Variants in PLAA observed in about 807,000 individuals in gnomAD.
PLAA encodes the protein phospholipase A2 activating protein, also known as phospholipase A-2-activating protein.
PLAA carries 48 observed loss-of-function variants against 84.1 expected under a neutral mutation model. The observed-to-expected ratio is 0.57, with a 90% CI of 0.45 to 0.73. The LOEUF is 0.73. Among genes scored for constraint, PLAA ranks in the 30% least tolerant of loss-of-function variants. PLAA has a pLI of 0.00. For synonymous variants in PLAA, 392 were observed against 336.6 expected, an observed-to-expected ratio of 1.16 and a Z score of -1.80; for missense variants, 903 against 954.7, an observed-to-expected ratio of 0.95 and a Z score of 0.71.
chr9:26,914,730 A>T (rs1824496931), intron 10 of PLAA, among the ~76,000 whole-genome samples: 1 of 132,922 alleles, frequency 7.5e-6, no homozygotes, highest in African/African-American at 2.6e-5. Flanking sequence ...ATATTTTAGA[A>T]GCAGAAGGTT....
Position 26,913,949 on chromosome 9 carries a change from T to TACA in PLAA, c.1487-5_1487-3dup. ...AACCTGGTACATAACGACCAGCACC[T>TACA]ACAATACAATAATACTCCTAGTAAG... is the stretch of plus-strand genomic sequence containing the variant. On this transcript the variant is annotated splice_polypyrimidine_tract_variant and splice_region_variant and intron_variant, in intron 10 of 13. Transcript: ENST00000397292. The TACA allele has an allele frequency of 6.2e-7, 1 of 1,603,184 alleles. No individual in the cohort carries two copies. The highest frequency in any genetic ancestry group is 8.5e-7 in the Non-Finnish European group (1 of 1,170,358).
At chr9:26,911,347 T>A (rs540332937) in intron 11 of PLAA, among the ~76,000 whole-genome samples, 1 of 152,262 alleles carries the variant, frequency 6.6e-6, no homozygotes, top group South Asian at 2.1e-4. Context: ...GAGACAGGGT[T>A]TCACCACATT....
chr9:26,918,410 C>T (rs1311313713), intron 9 of PLAA, among the ~76,000 whole-genome samples: 1 of 151,374 alleles, frequency 6.6e-6, no homozygotes, highest in African/African-American at 2.4e-5. Context: ...TTACAGGCGT[C>T]AGCCACCACA....
intron 4 of PLAA, among the ~76,000 whole-genome samples, chr9:26,927,207 G>GCCT (rs1356903912): frequency 1.4e-5 from 2 of 147,568 alleles, no homozygotes; most frequent in African/African-American, 5.1e-5. Context: ...TGCAACCTGT[G>GCCT]CCTCCAGGGT....
chr9:26,924,002 T>C (rs1007501788), intron 6 of PLAA, among the ~76,000 whole-genome samples: 2 of 152,192 alleles, frequency 1.3e-5, no homozygotes, highest in African/African-American at 4.8e-5. Context: ...ACATCACTCG[T>C]TCTATTGGTT....
chr9:26,929,610 T>C (rs1217406729), intron 2 of PLAA, among the ~76,000 whole-genome samples: 1 of 152,242 alleles, frequency 6.6e-6, no homozygotes, highest in Non-Finnish European at 1.5e-5. Context: ...AAAGTCTCTC[T>C]ACCCTGAGCT....
At chr9:26,933,880 C>T (rs371296576) in intron 2 of PLAA, among the ~76,000 whole-genome samples, 1 of 151,920 alleles carries the variant, frequency 6.6e-6, no homozygotes, top group African/African-American at 2.4e-5. Context: ...GTGATCACAG[C>T]TCACTGCAGC....
intron 11 of PLAA, 81 bp downstream of exon 11, chr9:26,913,798 C>A (rs956771517): frequency 2.0e-6 from 2 of 1,006,508 alleles, no homozygotes; most frequent in Non-Finnish European, 1.5e-6. Context: ...GAAAATGACA[C>A]AAATTTTCTT....
chr9:26,926,387 T>C lies in PLAA; in HGVS notation c.733+6A>G, dbSNP rs745554985. 2 of 1,539,994 alleles carry C rather than the reference T, an allele frequency of 1.3e-6. No homozygotes were observed. Among genetic ancestry groups the C allele is most frequent in the East Asian group, 4.5e-5 (2 of 44,418 alleles). On this transcript the variant is annotated splice_donor_region_variant and intron_variant, in intron 5 of 13. Transcript: ENST00000397292. The stretch of plus-strand genomic sequence containing the variant: ...ACATTAAATAAATAGCATAAAATAA[T>C]CTTACCTCTACAATTTGGAAAAACG...
rs1364664201 is a variant in PLAA at position 26,925,749 on chromosome 9, G to C, written c.869+76C>G. The stretch of plus-strand genomic sequence containing the variant: ...CTCAAGTCACGTGAAATTCCTTATG[G>C]CTTATCTCTGTACACTCTAGTTCCT... On this transcript the variant is annotated intron_variant, in intron 6 of 13. Coordinates refer to ENST00000397292, the MANE Select transcript of PLAA (RefSeq NM_001031689.3). The C allele has an allele frequency of 7.6e-6, 10 of 1,315,646 alleles. No individual in the cohort carries two copies. The Admixed American group carries it at 2.0e-4, about 27-fold the overall frequency. 81.5% of individuals were successfully genotyped at this position (1,315,646 alleles called of 1,614,324 possible).
At chr9:26,933,788 C>CAAAAAA (rs199939902) in intron 2 of PLAA, among the ~76,000 whole-genome samples, 5 of 89,222 alleles carry the variant, frequency 5.6e-5, no homozygotes, top group Admixed American at 1.2e-4. Context: ...GACTCTGCCT[C>CAAAAAA]AAAAAAAAAA....
intron 6 of PLAA, among the ~76,000 whole-genome samples, chr9:26,925,024 T>A (rs1223700259): frequency 1.3e-5 from 2 of 152,246 alleles, no homozygotes; most frequent in Non-Finnish European, 2.9e-5. Flanking sequence ...AATGAAGATT[T>A]CCAATCACTA....
chr9:26,912,395 T>A (rs115423798), intron 11 of PLAA, among the ~76,000 whole-genome samples: 10,550 of 152,214 alleles, frequency 0.069, 509 homozygotes, highest in African/African-American at 0.14. Flanking sequence ...AGAAAAATAT[T>A]CACTGGGAAG....
At chr9:26,943,057 T>C (rs993437102) in intron 1 of PLAA, among the ~76,000 whole-genome samples, 1 of 152,114 alleles carries the variant, frequency 6.6e-6, no homozygotes, top group Non-Finnish European at 1.5e-5. Flanking sequence ...TCTTCAAGCA[T>C]GGGTCGTTTT....
Position 26,928,388 on chromosome 9 carries a change from T to C in PLAA, c.364A>G (p.Lys122Glu), listed in dbSNP as rs1274583476. ...KNTVCSLSSG[K>E]FGTLLSGSWD... is the part of the protein sequence containing the mutation. ...GAACCACTAAGTAATGTCCCAAATT[T>C]TCCAGATGATAGACTACAAACTAAG... Residue 122 changes from lysine to glutamate, a missense_variant, in exon 3 of 14, where the codon AAA (lysine) becomes GAA (glutamate). Physicochemically the swap from Lys to Glu is moderately conservative, Grantham distance 56. Transcript: ENST00000397292. 6.2e-7 allele frequency: 1 copy of C among 1,612,416 alleles called. No homozygotes were observed. Among genetic ancestry groups the C allele is most frequent in the Admixed American group, 1.7e-5 (1 of 60,022 alleles).
chr9:26,908,782 G>C (rs1371893162), intron 12 of PLAA, among the ~76,000 whole-genome samples: 2 of 152,032 alleles, frequency 1.3e-5, no homozygotes, highest in Non-Finnish European at 2.9e-5. Flanking sequence ...CCTCCATTTT[G>C]GATGACTTTC....
intron 11 of PLAA, among the ~76,000 whole-genome samples, chr9:26,911,799 A>G (rs1262303522): frequency 6.6e-6 from 1 of 152,228 alleles, no homozygotes; most frequent in African/African-American, 2.4e-5. Context: ...TCAAATGTAC[A>G]GTTAAGATAT....
chr9:26,908,238 G>C (rs970508795), intron 12 of PLAA, among the ~76,000 whole-genome samples: 1 of 150,422 alleles, frequency 6.6e-6, no homozygotes, highest in African/African-American at 2.5e-5. Flanking sequence ...CGCCATCTTG[G>C]CTCACTGCAA....
At chr9:26,908,621 A>T (rs1395013273) in intron 12 of PLAA, among the ~76,000 whole-genome samples, 1 of 151,764 alleles carries the variant, frequency 6.6e-6, no homozygotes, top group Non-Finnish European at 1.5e-5. Flanking sequence ...ATGCACCACC[A>T]CACCAGCTAA....
Sources: gnomAD v4.1 joint callset for allele counts (sites outside exome capture counted in the v4.1 genomes callset) on GRCh38, gnomAD v4.1.1 for gene constraint, MANE v1.5 for transcripts, NCBI Gene and HGNC (gene_info 2026-07-23, HGNC 2026-07-21) for gene names.